Variants in MAP4K3 observed in about 807,000 individuals in gnomAD.
MAP4K3 encodes the protein MAPK/ERK kinase kinase kinase 3.
A neutral mutation model predicts 143.5 loss-of-function variants in MAP4K3; 94 were observed. The ratio of observed to expected loss-of-function variants is 0.65; its 90% confidence interval spans 0.55 to 0.78. The LOEUF (loss-of-function observed/expected upper bound fraction) is 0.78, where lower values mean the gene tolerates loss of function less well. Ranked by LOEUF, MAP4K3 falls within the 30% of genes least tolerant of loss-of-function variation. The pLI is 0.00. For synonymous variants in MAP4K3, 416 were observed against 347.2 expected, an observed-to-expected ratio of 1.20 and a Z score of -2.20; for missense variants, 1,077 against 1,068.1, an observed-to-expected ratio of 1.01 and a Z score of -0.12.
At chr2:39,431,411 T>C (rs1665283172) in intron 1 of MAP4K3, among the ~76,000 whole-genome samples, 1 of 152,248 alleles carries the variant, frequency 6.6e-6, no homozygotes, top group African/African-American at 2.4e-5. Flanking sequence ...TTCACTTTCA[T>C]ACCTTTTTTA....
At chr2:39,302,038 A>T (rs1474489752) in intron 15 of MAP4K3, among the ~76,000 whole-genome samples, 3 of 151,986 alleles carry the variant, frequency 2.0e-5, no homozygotes, top group Non-Finnish European at 4.4e-5. Context: ...ATAATAATAA[A>T]AAAAATTAAA....
intron 1 of MAP4K3, among the ~76,000 whole-genome samples, chr2:39,415,980 A>AATAT (rs1553318574): frequency 0.012 from 175 of 14,734 alleles, 2 homozygotes; most frequent in Non-Finnish European, 0.017. Context: ...AAAAAAAAAA[A>AATAT]ATATATATAT....
chr2:39,258,584 G>A lies in MAP4K3; in HGVS notation c.2312C>T (p.Thr771Ile), dbSNP rs539102086. 1 of 1,611,880 alleles carries A rather than the reference G, an allele frequency of 6.2e-7. No individual in the cohort carries two copies. Among genetic ancestry groups the A allele is most frequent in the Admixed American group, 1.7e-5 (1 of 60,012 alleles). ...TACATGAGTAACATTTGTCTGTGGG[G>A]TATCTACAATACAAACAAATTTTGG... ...STSSWFTESDTPQTNVTHVTQ... is the reference protein window; with the variant it reads ...STSSWFTESDIPQTNVTHVTQ... The change falls in exon 30 of 34, where the codon ACC (threonine) becomes ATC (isoleucine). Residue 771 changes from threonine (T) to isoleucine (I), a missense_variant. Transcript: ENST00000263881.
intron 12 of MAP4K3, among the ~76,000 whole-genome samples, chr2:39,316,673 C>T (rs1211813558): frequency 6.6e-6 from 1 of 152,060 alleles, no homozygotes; most frequent in African/African-American, 2.4e-5. Context: ...GAATGTTAGG[C>T]ATCATCTTCT....
At chr2:39,315,457 C>A in intron 12 of MAP4K3, 69 bp from the exon 13 acceptor site, 4 of 1,020,188 alleles carry the variant, frequency 3.9e-6, no homozygotes, top group African/African-American at 1.6e-5. Flanking sequence ...CACAAAATTA[C>A]CCAAATAGGA....
At chr2:39,292,978 C>G in intron 17 of MAP4K3, 152 bp from the exon 18 acceptor site, 1 of 735,910 alleles carries the variant, frequency 1.4e-6, no homozygotes, top group Non-Finnish European at 2.3e-6. Context: ...AAACAAGGAA[C>G]TGGGAGCGGT....
chr2:39,420,437 G>T (rs563550096), intron 1 of MAP4K3, among the ~76,000 whole-genome samples: 1 of 152,024 alleles, frequency 6.6e-6, no homozygotes, highest in South Asian at 2.1e-4. Flanking sequence ...TTTTTGTTTA[G>T]AGACAGTCTC....
At chr2:39,343,158 A>G (rs1558656706) in intron 4 of MAP4K3, among the ~76,000 whole-genome samples, 1 of 152,220 alleles carries the variant, frequency 6.6e-6, no homozygotes, top group Non-Finnish European at 1.5e-5. Context: ...TGACTACAAT[A>G]TGCCTCTGCA....
intron 15 of MAP4K3, among the ~76,000 whole-genome samples, chr2:39,301,799 C>A (rs550177862): frequency 2.0e-5 from 3 of 152,140 alleles, no homozygotes; most frequent in East Asian, 3.9e-4. Context: ...CCGAGGCGGG[C>A]GGATCATGAG....
intron 1 of MAP4K3, among the ~76,000 whole-genome samples, chr2:39,436,124 C>G (rs1236551249): frequency 6.6e-6 from 1 of 152,132 alleles, no homozygotes; most frequent in Non-Finnish European, 1.5e-5. Flanking sequence ...GTTGAGTTGG[C>G]CAGGGAAGAG....
intron 1 of MAP4K3, among the ~76,000 whole-genome samples, chr2:39,379,067 A>C (rs1254626918): frequency 6.6e-6 from 1 of 152,060 alleles, no homozygotes. Flanking sequence ...TTCCCTGATC[A>C]CAGAAAGATC....
chr2:39,284,899 A>AT (rs947467441), intron 21 of MAP4K3, among the ~76,000 whole-genome samples: 8 of 151,406 alleles, frequency 5.3e-5, no homozygotes, highest in East Asian at 3.9e-4. Flanking sequence ...TTATCATTTA[A>AT]TTTTTTTTAG....
intron 2 of MAP4K3, among the ~76,000 whole-genome samples, chr2:39,374,715 T>G (rs1314273875): frequency 6.6e-6 from 1 of 152,084 alleles, no homozygotes; most frequent in African/African-American, 2.4e-5. Flanking sequence ...ATTTTTTAAA[T>G]TTTTTAAATT....
At chr2:39,412,412 A>C (rs1667256379) in intron 1 of MAP4K3, among the ~76,000 whole-genome samples, 1 of 152,230 alleles carries the variant, frequency 6.6e-6, no homozygotes, top group Admixed American at 6.5e-5. Flanking sequence ...GAATAAGACA[A>C]AGAAGGCCCC....
At chr2:39,305,368 T>C (rs191430109) in intron 15 of MAP4K3, among the ~76,000 whole-genome samples, 38 of 152,334 alleles carry the variant, frequency 2.5e-4, no homozygotes, top group Non-Finnish European at 4.0e-4. Flanking sequence ...TAGTTTTGAA[T>C]TCCTGAGCTA....
chr2:39,370,783 A>C (rs751869393), intron 2 of MAP4K3, among the ~76,000 whole-genome samples: 5 of 152,170 alleles, frequency 3.3e-5, no homozygotes, highest in African/African-American at 7.2e-5. Context: ...CTAATGAATC[A>C]CTGTTATCTA....
chr2:39,319,649 A>G (rs1683238363), intron 12 of MAP4K3, among the ~76,000 whole-genome samples: 1 of 152,226 alleles, frequency 6.6e-6, no homozygotes, highest in African/African-American at 2.4e-5. Context: ...TTCAAAATCA[A>G]GAGTCTAAAT....
intron 28 of MAP4K3, among the ~76,000 whole-genome samples, chr2:39,262,937 T>C (rs1199379064): frequency 6.6e-6 from 1 of 151,922 alleles, no homozygotes; most frequent in Non-Finnish European, 1.5e-5. Flanking sequence ...AAACCCCATC[T>C]CTACTAAAAA....
At chr2:39,307,521 T>C (rs1682752400) in intron 15 of MAP4K3, among the ~76,000 whole-genome samples, 1 of 151,854 alleles carries the variant, frequency 6.6e-6, no homozygotes, top group Non-Finnish European at 1.5e-5. Flanking sequence ...CCATGATATA[T>C]GAATATTATA....
Sources: gnomAD v4.1 joint callset for allele counts (sites outside exome capture counted in the v4.1 genomes callset) on GRCh38, gnomAD v4.1.1 for gene constraint, MANE v1.5 for transcripts, NCBI Gene and HGNC (gene_info 2026-07-23, HGNC 2026-07-21) for gene names.